The following MAP3K13 variants were observed in gnomAD, a reference collection of about 807,000 sequenced individuals.
MAP3K13 encodes leucine zipper-bearing kinase.
MAP3K13 carries 52 observed loss-of-function variants against 104.0 expected under a neutral mutation model. The ratio of observed to expected loss-of-function variants is 0.50; its 90% CI spans 0.40 to 0.63. MAP3K13 has a LOEUF of 0.63. MAP3K13 is among the 20% of genes least tolerant of loss of function. The pLI, the probability that MAP3K13 is intolerant of heterozygous loss-of-function variation, is 0.00. For synonymous variants in MAP3K13, 394 were observed against 442.2 expected, an observed-to-expected ratio of 0.89 and a Z score of 1.37; for missense variants, 914 against 1,218.5, an observed-to-expected ratio of 0.75 and a Z score of 3.72.
At chr3:185,288,493 A>G (rs1037580515) in intron 2 of MAP3K13, among the ~76,000 whole-genome samples, 1 of 141,576 alleles carries the variant, frequency 7.1e-6, no homozygotes, top group Non-Finnish European at 1.5e-5. Flanking sequence ...ATGTGTGTGT[A>G]TATATATAGA....
At chr3:185,438,639 G>C (rs1292207202) in intron 3 of MAP3K13, among the ~76,000 whole-genome samples, 1 of 152,100 alleles carries the variant, frequency 6.6e-6, no homozygotes, top group African/African-American at 2.4e-5. Context: ...ATATTGCCTG[G>C]GATCCCTAAC....
chr3:185,472,940 ATG>A, intron 10 of MAP3K13, 33 bp from the exon 11 acceptor site: 1 of 1,584,176 alleles, frequency 6.3e-7, no homozygotes, highest in Non-Finnish European at 8.6e-7. Flanking sequence ...ATGTGTTTTC[ATG>A]TGTTTCAGAT....
chr3:185,443,361 T>G, intron 3 of MAP3K13, 84 bp from the exon 4 acceptor site: 1 of 878,416 alleles, frequency 1.1e-6, no homozygotes, highest in Non-Finnish European at 1.7e-6. Context: ...GGGTATAGAA[T>G]TGGTTTTTAT....
chr3:185,365,734 T>A (rs1247715724), intron 1 of MAP3K13, among the ~76,000 whole-genome samples: 1 of 151,778 alleles, frequency 6.6e-6, no homozygotes, highest in East Asian at 1.9e-4. Context: ...GAGAAAAAAA[T>A]TTAGAAAATG....
At chr3:185,467,092 C>G in intron 10 of MAP3K13, 129 bp downstream of exon 10, 1 of 987,332 alleles carries the variant, frequency 1.0e-6, no homozygotes. Flanking sequence ...ACTCAGTACT[C>G]TAGGTAAAAC....
In MAP3K13 at chr3:185,418,071, G is replaced by A; in HGVS notation, c.-85-10426G>A. The A allele has an allele frequency of 3.1e-6, 5 of 1,611,778 alleles. No individual in the cohort carries two copies. Among genetic ancestry groups the A allele is most frequent in the Non-Finnish European group, 3.4e-6 (4 of 1,179,632 alleles). ...GCCCACCAGGAGCAAGCTTCAAAAT[G>A]TTCAGCTTGCTTACATTAAGCAGAG... On this transcript the variant is annotated intron_variant, in intron 1 of 13. Transcript: ENST00000265026. This position sits in a 1 kb window ranked among gnomAD's most constrained non-coding sequence, Gnocchi z 4.5.
At position 185,437,494 on chromosome 3, in the gene MAP3K13, G is replaced by A; in HGVS notation, c.523G>A (p.Gly175Ser). The change falls in exon 3 of 14, where the codon GGT becomes AGT. Residue 175 changes from glycine to serine, a missense_variant. By Grantham distance (56) the Gly-to-Ser change is moderately conservative. This residue lies in a region of MAP3K13 where 175 missense variants were observed against 321.3 expected (regional missense o/e 0.54). Transcript: ENST00000265026. ...GGAGATCTCAGAGCTGCAGTGGCTGGGTAGTGGAGCCCAAGGAGCGGTCTT... is the reference window on the plus strand; with the variant it reads ...GGAGATCTCAGAGCTGCAGTGGCTGAGTAGTGGAGCCCAAGGAGCGGTCTT... ...FEEISELQWL[G>S]SGAQGAVFLG... is the part of the protein sequence containing the mutation. The A allele has an allele frequency of 6.2e-7, 1 of 1,613,974 alleles. No individual in the cohort carries two copies. The highest frequency in any genetic ancestry group is 8.5e-7 in the Non-Finnish European group (1 of 1,179,980).
chr3:185,453,505 G>C (rs1457586297), intron 7 of MAP3K13, among the ~76,000 whole-genome samples: 1 of 151,976 alleles, frequency 6.6e-6, no homozygotes, highest in Non-Finnish European at 1.5e-5. Flanking sequence ...AGCTGAACAA[G>C]TCCTTAAATA....
rs149189007 is a variant in MAP3K13 at position 185,445,743 on chromosome 3, A to G, written c.852-2046A>G. On this transcript the variant is annotated intron_variant, in intron 4 of 13. Transcript: ENST00000265026. The stretch of plus-strand genomic sequence containing the variant: ...GCTGTAACAAGAGATCTCATTACTT[A>G]CATTAAATCTGCAGGCTCTGTGACC... Among the ~76,000 whole-genome samples, 3 of 152,330 alleles carry G rather than the reference A, an allele frequency of 2.0e-5. No individual in the cohort carries two copies. In the East Asian group the frequency reaches 5.8e-4, roughly 29 times the overall value.
intron 3 of MAP3K13, 45 bp downstream of exon 3, chr3:185,437,675 TC>T: frequency 6.6e-7 from 1 of 1,519,604 alleles, no homozygotes; most frequent in Non-Finnish European, 8.9e-7. Flanking sequence ...CTATTTTCTT[TC>T]CCCCAATATA....
rs1286424527 is a variant in MAP3K13 at position 185,454,729 on chromosome 3, T to C, written c.1278+3334T>C. Among the ~76,000 whole-genome samples the C allele has an allele frequency of 1.2e-3, 45 of 37,064 alleles. 15 individuals carry two copies. The East Asian group carries it at 0.023, about 19-fold the overall frequency. 24.3% of individuals were successfully genotyped at this position (37,064 alleles called of 152,430 possible). On this transcript the variant is annotated intron_variant, in intron 7 of 13. Coordinates refer to ENST00000265026, the MANE Select transcript of MAP3K13 (RefSeq NM_004721.5). ...TATCATATATGAGATATATATGATA[T>C]ATATGATATATATATCATATATATG...
chr3:185,382,349 G>A lies in MAP3K13; in HGVS notation c.-86+18981G>A, dbSNP rs144844242. 3.8e-3 allele frequency among the ~76,000 whole-genome samples: 570 copies of A among 151,650 alleles called. 4 individuals are homozygous for A. The highest frequency in any genetic ancestry group is 0.013 in the African/African-American group (538 of 41,294). ...CAAAATATCTTACTCATCTATTTTCGGACCATGGTTGACCAAGGTAACTGA... is the reference window on the plus strand; with the variant it reads ...CAAAATATCTTACTCATCTATTTTCAGACCATGGTTGACCAAGGTAACTGA... On this transcript the variant is annotated intron_variant, in intron 1 of 13. Coordinates refer to ENST00000265026, the MANE Select transcript of MAP3K13 (RefSeq NM_004721.5).
intron 2 of MAP3K13, among the ~76,000 whole-genome samples, chr3:185,343,155 T>C (rs1479794771): frequency 6.6e-6 from 1 of 152,182 alleles, no homozygotes; most frequent in Non-Finnish European, 1.5e-5. Context: ...ATTCACATAT[T>C]ACGTGCACGT....
At chr3:185,409,090 A>G (rs2108784093) in intron 1 of MAP3K13, among the ~76,000 whole-genome samples, 1 of 152,348 alleles carries the variant, frequency 6.6e-6, no homozygotes, top group South Asian at 2.1e-4. Context: ...ACTGGAGGCC[A>G]GGCCTGGTGG....
intron 2 of MAP3K13, among the ~76,000 whole-genome samples, chr3:185,320,083 C>CT (rs11382487): frequency 0.68 from 97,476 of 143,782 alleles, 34,196 homozygotes; most frequent in Non-Finnish European, 0.78. Flanking sequence ...ATGTAAGTAA[C>CT]TTTTTTTTTT....
intron 12 of MAP3K13, among the ~76,000 whole-genome samples, chr3:185,478,520 G>GC (rs914388204): frequency 3.3e-5 from 5 of 151,800 alleles, no homozygotes; most frequent in African/African-American, 1.2e-4. Flanking sequence ...TCCATGATCT[G>GC]CCCCCCTGAC....
At chr3:185,417,554 G>C in intron 1 of MAP3K13, 1 of 1,611,268 alleles carries the variant, frequency 6.2e-7, no homozygotes, top group Non-Finnish European at 8.5e-7. Context: ...TTCTTTTCAG[G>C]GGCTGGTTTC....
intron 2 of MAP3K13, among the ~76,000 whole-genome samples, chr3:185,309,929 A>AC (rs1266521677): frequency 6.6e-6 from 1 of 152,202 alleles, no homozygotes; most frequent in East Asian, 1.9e-4. Context: ...GCCTAGGTGC[A>AC]CAGGGCCTAG....
In MAP3K13 at chr3:185,428,944, C is replaced by T. The variant is rs780134621; in HGVS notation, c.363C>T (p.Ser121=). Residue 121 remains serine (S), a synonymous_variant, in exon 2 of 14, where the codon AGC becomes AGT. Transcript: ENST00000265026. ...CTGAAGACATAAAGATTCAGTTCAG[C>T]AGGTCAGGCAGTGGCAGTGGTGGGT... ...SGTEDIKIQF[S]RSGSGSGGFL... 6.2e-7 allele frequency: 1 copy of T among 1,614,156 alleles called. No homozygotes were observed. Among genetic ancestry groups the T allele is most frequent in the Non-Finnish European group, 8.5e-7 (1 of 1,180,048 alleles).
Sources: allele counts gnomAD v4.1 joint callset (sites outside exome capture counted in the v4.1 genomes callset), GRCh38; gene constraint gnomAD v4.1.1; regional missense constraint gnomAD v4.1.1; non-coding constraint Gnocchi (gnomAD v3.1); transcripts MANE v1.5; gene names NCBI Gene and HGNC (gene_info 2026-07-23, HGNC 2026-07-21).